The following IFI44L variants were observed in gnomAD, a reference collection of about 807,000 sequenced individuals.
IFI44L encodes the protein interferon-induced protein 44-like.
In IFI44L, 40 loss-of-function variants were observed where a neutral mutation model predicts 39.3. The ratio of observed to expected loss-of-function variants is 1.02; its 90% CI spans 0.79 to 1.33. The LOEUF is 1.33. IFI44L is among the 40% of genes most tolerant of loss of function. IFI44L has a pLI of 0.00. For missense variants in IFI44L, 623 were observed against 549.0 expected, an observed-to-expected ratio of 1.13 and a Z score of -1.35; for synonymous variants, 198 against 182.3, an observed-to-expected ratio of 1.09 and a Z score of -0.69.
intron 6 of IFI44L, among the ~76,000 whole-genome samples, chr1:78,638,258 G>A (rs554721605): frequency 7.0e-4 from 106 of 152,044 alleles, no homozygotes; most frequent in African/African-American, 2.3e-3. Context: ...GCCTCTTCAC[G>A]TCTTTTGATT....
At chr1:78,640,273 C>A (rs1179035824) in intron 6 of IFI44L, among the ~76,000 whole-genome samples, 1 of 152,026 alleles carries the variant, frequency 6.6e-6, no homozygotes, top group African/African-American at 2.4e-5. Context: ...AATTACATTG[C>A]AACAGAGGTT....
chr1:78,627,593 A>G (rs1459889490), intron 1 of IFI44L: 1 of 170,006 alleles, frequency 5.9e-6, no homozygotes, highest in East Asian at 1.6e-4. Context: ...TACAAAGGCT[A>G]AAATATTTAC....
chr1:78,638,612 G>T (rs1263612748), intron 6 of IFI44L, among the ~76,000 whole-genome samples: 1 of 151,932 alleles, frequency 6.6e-6, no homozygotes, highest in East Asian at 1.9e-4. Flanking sequence ...CATAGCTATT[G>T]TTTTTCCTAT....
chr1:78,640,636 A>G (rs894263805), intron 6 of IFI44L, among the ~76,000 whole-genome samples: 1 of 152,144 alleles, frequency 6.6e-6, no homozygotes, highest in African/African-American at 2.4e-5. Flanking sequence ...GAACTGTGAA[A>G]TCAGTACAGT....
chr1:78,641,755 CTTG>C lies in IFI44L; in HGVS notation c.1325-17_1325-15del. On this transcript the variant is annotated splice_polypyrimidine_tract_variant and intron_variant, in intron 8 of 8. Coordinates refer to ENST00000370751, the MANE Select transcript of IFI44L (RefSeq NM_006820.4). ...TTAGGATATATGTTTCATTTCCACTCTTGTTTGTTTCATTTTCAGGTGCAATTG... is the reference window on the plus strand; with the variant it reads ...TTAGGATATATGTTTCATTTCCACTCTTTGTTTCATTTTCAGGTGCAATTG... 3.1e-6 allele frequency: 5 copies of C among 1,613,506 alleles called. No individual in the cohort carries two copies. The South Asian group carries it at 5.5e-5, about 18-fold the overall frequency.
rs1256102486 is a variant in IFI44L at position 78,641,007 on chromosome 1, T to C, written c.1049-14T>C. On this transcript the variant is annotated splice_polypyrimidine_tract_variant and intron_variant, in intron 6 of 8. Transcript: ENST00000370751. ...TTTATGATATAAAATAACTGATTTA[T>C]CTATTTGATATAGGTATAGCATATG... 4 of 1,556,028 alleles carry C rather than the reference T, an allele frequency of 2.6e-6. No individual in the cohort carries two copies. The African/African-American group carries it at 4.1e-5, about 16-fold the overall frequency.
chr1:78,624,829 T>A (rs1557682079), intron 1 of IFI44L, among the ~76,000 whole-genome samples: 3 of 152,200 alleles, frequency 2.0e-5, no homozygotes, highest in Non-Finnish European at 4.4e-5. Context: ...TATTATATGA[T>A]GTCCTTCATA....
At chr1:78,636,454 T>C (rs1163166533) in intron 5 of IFI44L, among the ~76,000 whole-genome samples, 4 of 152,130 alleles carry the variant, frequency 2.6e-5, no homozygotes, top group Non-Finnish European at 5.9e-5. Flanking sequence ...TAACTACATG[T>C]TTCCAAACCA....
intron 1 of IFI44L, among the ~76,000 whole-genome samples, chr1:78,622,944 C>G (rs1303259053): frequency 5.3e-5 from 8 of 152,156 alleles, no homozygotes; most frequent in Admixed American, 4.6e-4. Context: ...AATTCTGAAG[C>G]AGAGAACCAA....
chr1:78,632,057 C>T (rs1236711113), intron 4 of IFI44L, among the ~76,000 whole-genome samples: 1 of 151,428 alleles, frequency 6.6e-6, no homozygotes, highest in Admixed American at 6.6e-5. Context: ...TCATAAAGTA[C>T]TTCTAATGCA....
At position 78,629,820 on chromosome 1, in the gene IFI44L, A is replaced by G. The variant is rs762616831; in HGVS notation, c.628A>G (p.Lys210Glu). 1 of 1,613,858 alleles carries G rather than the reference A, an allele frequency of 6.2e-7. No homozygotes were observed. Among genetic ancestry groups the G allele is most frequent in the African/African-American group, 1.3e-5 (1 of 75,040 alleles). The change falls in exon 4 of 9, where the codon AAG becomes GAG. Residue 210 changes from lysine to glutamate, a missense_variant. Coordinates refer to ENST00000370751, the MANE Select transcript of IFI44L (RefSeq NM_006820.4). ...ILLVGPVGSG[K>E]SSFFNSVKSI... ...TTTGGTGGGTCCAGTTGGGTCTGGA[A>G]AGTCCAGTTTTTTCAATTCAGTCAA...
At chr1:78,638,832 C>A (rs773145051) in intron 6 of IFI44L, among the ~76,000 whole-genome samples, 9 of 152,096 alleles carry the variant, frequency 5.9e-5, no homozygotes, top group Non-Finnish European at 8.8e-5. Flanking sequence ...TTCTGATTAG[C>A]TTTTCTCATT....
At chr1:78,624,938 A>G (rs1652428352) in intron 1 of IFI44L, among the ~76,000 whole-genome samples, 1 of 152,144 alleles carries the variant, frequency 6.6e-6, no homozygotes, top group African/African-American at 2.4e-5. Flanking sequence ...TACCATTTGC[A>G]AAGGTACCCT....
At position 78,643,573 on chromosome 1, in the gene IFI44L, G is replaced by T. The variant is rs1470137084; in HGVS notation, c.*1764G>T. 6.6e-6 allele frequency: 1 copy of T among 151,878 alleles called. No individual in the cohort carries two copies. The highest frequency in any genetic ancestry group is 2.4e-5 in the African/African-American group (1 of 41,376). The allele number at this position is 151,878 out of a possible 1,614,324, so 9.4% of individuals were successfully genotyped here. On this transcript the variant is annotated 3_prime_UTR_variant, in exon 9 of 9. Coordinates refer to ENST00000370751, the MANE Select transcript of IFI44L (RefSeq NM_006820.4). ...AGGTCTGGAGCTGCTGATTTGTTGG[G>T]GTATAGGGAATGAAATGAAACATAC...
chr1:78,635,309 C>A lies in IFI44L; in HGVS notation c.724-28C>A, dbSNP rs188719807. 5.3e-6 allele frequency: 8 copies of A among 1,512,112 alleles called. No individual in the cohort carries two copies. In the Admixed American group the frequency reaches 7.0e-5, roughly 13 times the overall value. The allele number at this position is 1,512,112 out of a possible 1,614,324, so 93.7% of individuals were successfully genotyped here. A position where few individuals can be genotyped will look rare whatever the true frequency, so the allele number is the denominator to read the frequency against. On this transcript the variant is annotated intron_variant, in intron 4 of 8. Transcript: ENST00000370751. ...CTTGAATGCTGGGTGATGAATGAACCTTTACACTTAATGTATTTTTTTAAC... is the reference window on the plus strand; with the variant it reads ...CTTGAATGCTGGGTGATGAATGAACATTTACACTTAATGTATTTTTTTAAC...
At chr1:78,629,080 G>C in intron 3 of IFI44L, 81 bp downstream of exon 3, 1 of 894,518 alleles carries the variant, frequency 1.1e-6, no homozygotes, top group East Asian at 2.4e-5. Context: ...ATGTGGTAAA[G>C]ATAAAAATCA....
At chr1:78,627,066 CT>C (rs1413190205) in intron 1 of IFI44L, 1 of 152,002 alleles carries the variant, frequency 6.6e-6, no homozygotes, top group African/African-American at 2.4e-5. Flanking sequence ...CTAGCAAACA[CT>C]TTGCTTAACT....
chr1:78,639,386 G>T, intron 6 of IFI44L, among the ~76,000 whole-genome samples: 1 of 152,082 alleles, frequency 6.6e-6, no homozygotes, highest in Middle Eastern at 3.2e-3. Context: ...CTGGGGTAGT[G>T]TGGCTATTTT....
intron 1 of IFI44L, chr1:78,626,073 GT>G (rs979827836): frequency 1.1e-4 from 16 of 151,302 alleles, no homozygotes; most frequent in African/African-American, 3.1e-4. Flanking sequence ...TTGTTTTCTG[GT>G]TCATATATCT....
Sources: allele counts gnomAD v4.1 joint callset (sites outside exome capture counted in the v4.1 genomes callset), GRCh38; gene constraint gnomAD v4.1.1; transcripts MANE v1.5; gene names NCBI Gene and HGNC (gene_info 2026-07-23, HGNC 2026-07-21).